Variants in MALRD1 observed in about 807,000 individuals in gnomAD.
MALRD1 encodes the protein MAM and LDL-receptor class A domain-containing protein 1.
Under a neutral mutation model 242.1 loss-of-function variants are expected in MALRD1, and 247 were observed. The observed-to-expected ratio is 1.02, with a 90% CI of 0.92 to 1.13. The LOEUF (loss-of-function observed/expected upper bound fraction) is 1.13, where lower values mean the gene tolerates loss of function less well. Among genes scored for constraint, MALRD1 ranks in the 50% most tolerant of loss-of-function variants. MALRD1 has a pLI of 0.00. For synonymous variants in MALRD1, 995 were observed against 866.6 expected (o/e 1.15, Z -2.60); for missense variants, 2,989 against 2,533.1 (o/e 1.18, Z -3.86).
At chr10:19,622,981 C>T (rs775381859) in intron 36 of MALRD1, among the ~76,000 whole-genome samples, 3 of 151,920 alleles carry the variant, frequency 2.0e-5, no homozygotes, top group Non-Finnish European at 4.4e-5. Context: ...TAGAACCATA[C>T]CTCACACTAT....
chr10:19,618,885 T>C (rs1839284042), intron 36 of MALRD1, among the ~76,000 whole-genome samples: 1 of 152,026 alleles, frequency 6.6e-6, no homozygotes. Context: ...TTTCCTGTTG[T>C]CTAAATATTG....
intron 14 of MALRD1, among the ~76,000 whole-genome samples, chr10:19,192,409 A>G (rs1011923884): frequency 1.3e-5 from 2 of 152,216 alleles, no homozygotes; most frequent in Non-Finnish European, 2.9e-5. Flanking sequence ...AGGGCTTGAT[A>G]TACCACTGCT....
Position 19,280,092 on chromosome 10 carries a change from C to T in MALRD1, c.3125C>T (p.Pro1042Leu). 6.5e-7 allele frequency: 1 copy of T among 1,535,388 alleles called. No homozygotes were observed. Among genetic ancestry groups the T allele is most frequent in the Non-Finnish European group, 8.8e-7 (1 of 1,141,134 alleles). ...DLPTPPETSV[P>L]VTLPPHNCTD... Reference sequence around the variant, plus strand: ...CCAACTCCACCAGAAACGTCAGTTCCTGTAACATTACCTCCACACAACTGC... The same window carrying T: ...CCAACTCCACCAGAAACGTCAGTTCTTGTAACATTACCTCCACACAACTGC... The change falls in exon 20 of 40, where the codon CCT (proline) becomes CTT (leucine). Residue 1042 changes from proline (P) to leucine (L), a missense_variant. Physicochemically the swap from Pro to Leu is moderately conservative, Grantham distance 98 (BLOSUM62 -3). Coordinates refer to ENST00000454679, the MANE Select transcript of MALRD1 (RefSeq NM_001142308.3).
At chr10:19,269,974 T>G (rs868465164) in intron 19 of MALRD1, among the ~76,000 whole-genome samples, 1 of 152,214 alleles carries the variant, frequency 6.6e-6, no homozygotes, top group Admixed American at 6.5e-5. Context: ...TTCTCTCTAA[T>G]GATTATTCTC....
intron 33 of MALRD1, among the ~76,000 whole-genome samples, chr10:19,583,276 G>A (rs1837222166): frequency 6.7e-6 from 1 of 148,288 alleles, no homozygotes; most frequent in African/African-American, 2.5e-5. Context: ...TAGGAGTGGT[G>A]AGAGAGGGCA....
At chr10:19,466,369 T>C (rs1315213269) in intron 29 of MALRD1, among the ~76,000 whole-genome samples, 6 of 152,210 alleles carry the variant, frequency 3.9e-5, no homozygotes, top group Non-Finnish European at 7.3e-5. Context: ...CCTTTGTCAT[T>C]AGGCTAAAGA....
chr10:19,132,535 T>A (rs1833153248), intron 8 of MALRD1, among the ~76,000 whole-genome samples: 1 of 152,202 alleles, frequency 6.6e-6, no homozygotes, highest in African/African-American at 2.4e-5. Flanking sequence ...TGAAAGTAGA[T>A]TCATTTTTAG....
chr10:19,327,694 T>A (rs897552626), intron 23 of MALRD1, 21 bp downstream of exon 23: 1 of 1,512,154 alleles, frequency 6.6e-7, no homozygotes. Flanking sequence ...CAGGTAGTTA[T>A]GGGGTGAGTG....
intron 36 of MALRD1, among the ~76,000 whole-genome samples, chr10:19,618,294 AC>A (rs1388344574): frequency 5.9e-5 from 9 of 152,068 alleles, no homozygotes; most frequent in Non-Finnish European, 1.2e-4. Context: ...CAGTGAACAT[AC>A]GTATGGAGGT....
At chr10:19,640,658 G>A (rs1346703076) in intron 36 of MALRD1, among the ~76,000 whole-genome samples, 3 of 152,216 alleles carry the variant, frequency 2.0e-5, no homozygotes, top group Non-Finnish European at 2.9e-5. Context: ...GTATCCAACA[G>A]CATCTAATTC....
chr10:19,371,233 A>T (rs755768931), intron 26 of MALRD1, among the ~76,000 whole-genome samples: 5 of 152,092 alleles, frequency 3.3e-5, no homozygotes, highest in Non-Finnish European at 5.9e-5. Flanking sequence ...TGGGCAACCC[A>T]GTGAGACCCT....
chr10:19,359,521 GC>G (rs756867045), intron 26 of MALRD1, among the ~76,000 whole-genome samples: 19 of 152,062 alleles, frequency 1.2e-4, no homozygotes, highest in Non-Finnish European at 2.6e-4. Context: ...AGCATTAGAT[GC>G]ACTGTGGGCC....
intron 34 of MALRD1, among the ~76,000 whole-genome samples, chr10:19,605,485 C>CTTTTTTT (rs369007691): frequency 7.8e-6 from 1 of 128,490 alleles, no homozygotes; most frequent in Non-Finnish European, 1.6e-5. Context: ...GTTTTTCTTT[C>CTTTTTTT]TTTTTTTTTT....
In MALRD1 at chr10:19,324,095, G is replaced by C; in HGVS notation, c.3566G>C (p.Gly1189Ala). Residue 1189 changes from glycine (G) to alanine (A), a missense_variant, in exon 22 of 40, where the codon GGT becomes GCT. By Grantham distance (60) the Gly-to-Ala change is moderately conservative (BLOSUM62 0). Coordinates refer to ENST00000454679, the MANE Select transcript of MALRD1 (RefSeq NM_001142308.3). ...ACACATATGAATGGGGCCACCGTTG[G>C]TTCTCTCCAGGTACTGCTTAGGCAA... ...FWTHMNGATVGSLQVLIKKDN... is the reference protein window; with the variant it reads ...FWTHMNGATVASLQVLIKKDN... 6.5e-7 allele frequency: 1 copy of C among 1,550,142 alleles called. No homozygotes were observed. Among genetic ancestry groups the C allele is most frequent in the Non-Finnish European group, 8.7e-7 (1 of 1,146,696 alleles).
chr10:19,151,832 A>G (rs186839583), intron 11 of MALRD1, among the ~76,000 whole-genome samples: 1 of 152,302 alleles, frequency 6.6e-6, no homozygotes, highest in African/African-American at 2.4e-5. Flanking sequence ...TTTAAATATT[A>G]AACCCCTCTT....
chr10:19,299,587 G>T (rs1030901253), intron 21 of MALRD1, among the ~76,000 whole-genome samples: 6 of 147,756 alleles, frequency 4.1e-5, no homozygotes, highest in African/African-American at 1.5e-4. Context: ...TAAATGTGAT[G>T]TGATTCAGCA....
At chr10:19,503,343 G>GT (rs1838059874) in intron 31 of MALRD1, among the ~76,000 whole-genome samples, 1 of 152,204 alleles carries the variant, frequency 6.6e-6, no homozygotes, top group African/African-American at 2.4e-5. Context: ...CAGCAGAGCT[G>GT]TTAATTAAAA....
intron 14 of MALRD1, among the ~76,000 whole-genome samples, chr10:19,192,618 C>G (rs754363211): frequency 8.5e-5 from 13 of 152,126 alleles, no homozygotes; most frequent in Admixed American, 2.0e-4. Flanking sequence ...GCCATCGTAC[C>G]TTGTACTTTT....
At chr10:19,700,728 G>A (rs189810251) in intron 38 of MALRD1, among the ~76,000 whole-genome samples, 1 of 152,106 alleles carries the variant, frequency 6.6e-6, no homozygotes, top group Non-Finnish European at 1.5e-5. Context: ...CAAACAAAAG[G>A]CTTTTTTCCC....
Sources: gnomAD v4.1 joint callset for allele counts (sites outside exome capture counted in the v4.1 genomes callset) on GRCh38, gnomAD v4.1.1 for gene constraint, MANE v1.5 for transcripts, NCBI Gene and HGNC (gene_info 2026-07-23, HGNC 2026-07-21) for gene names.